Variants in LGALS9C observed in about 807,000 individuals in gnomAD.
LGALS9C encodes the protein galectin-9C.
A neutral mutation model predicts 41.3 loss-of-function variants in LGALS9C; 7 were observed. That is an observed-to-expected ratio of 0.17 (90% CI 0.10 to 0.32). The LOEUF is 0.32. Ranked by LOEUF, LGALS9C falls within the 10% of genes least tolerant of loss-of-function variation. The pLI is 1.00. For missense variants in LGALS9C, 102 were observed against 455.2 expected (o/e 0.22, Z 7.06); for synonymous variants, 44 against 171.0 (o/e 0.26, Z 5.80).
At chr17:18,477,586 G>C (rs929264848) in intron 1 of LGALS9C, among the ~76,000 whole-genome samples, 1 of 110,082 alleles carries the variant, frequency 9.1e-6, no homozygotes, top group African/African-American at 2.7e-5. Context: ...GGCAGGGACT[G>C]TCCCTGCAGT....
At position 18,476,887 on chromosome 17, in the gene LGALS9C, G is replaced by A. The variant is rs376288406; in HGVS notation, c.33G>A (p.Leu11=). 3.1e-6 allele frequency: 5 copies of A among 1,601,602 alleles called. No homozygotes were observed. The highest frequency in any genetic ancestry group is 2.6e-6 in the Non-Finnish European group (3 of 1,171,084). The change falls in exon 1 of 11, where the codon CTG becomes CTA. Residue 11 remains leucine, a synonymous_variant. Transcript: ENST00000328114. ...TCAGCGGTTGCCAGGCTCCCTATCT[G>A]AGCCCAGTGAGTTCCGGGGCCGTGG... is the stretch of plus-strand genomic sequence containing the variant. MAFSGCQAPY[L]SPAVPFSGTI...
chr17:18,489,799 C>G (rs1193844175), intron 5 of LGALS9C: 1 of 103,698 alleles, frequency 9.6e-6, no homozygotes, highest in Non-Finnish European at 2.2e-5. Flanking sequence ...GTCACTCCAC[C>G]CCCATCTCCC....
intron 3 of LGALS9C, 56 bp from the exon 4 acceptor site, chr17:18,487,591 T>C: frequency 1.6e-6 from 2 of 1,212,356 alleles, no homozygotes; most frequent in Non-Finnish European, 2.3e-6. Flanking sequence ...AGCTCAGGGG[T>C]GGTCCCCATC....
In LGALS9C at chr17:18,489,885, C is replaced by T. The variant is rs1393760528; in HGVS notation, c.541-848C>T. On this transcript the variant is annotated intron_variant, in intron 5 of 10. Transcript: ENST00000328114. ...AGTGCCTGGCACTCACTTAGGGACT[C>T]GAAGAATGGATGAATGTGGAATGTG... 1.7e-5 allele frequency: 2 copies of T among 116,684 alleles called. 1 individual carries two copies. The highest frequency in any genetic ancestry group is 4.0e-5 in the Non-Finnish European group (2 of 50,524). 7.2% of individuals were successfully genotyped at this position (116,684 alleles called of 1,614,324 possible).
chr17:18,486,060 G>A lies in LGALS9C; in HGVS notation c.258G>A (p.Glu86=), dbSNP rs1411846753. The A allele has an allele frequency of 3.1e-6, 4 of 1,278,560 alleles. No homozygotes were observed. Among genetic ancestry groups the A allele is most frequent in the Admixed American group, 3.8e-5 (2 of 52,692 alleles). 79.2% of individuals were successfully genotyped at this position (1,278,560 alleles called of 1,614,324 possible). A position where few individuals can be genotyped will look rare whatever the true frequency, so the allele number is the denominator to read the frequency against. Residue 86 remains glutamate, a synonymous_variant, in exon 3 of 11, where the codon GAG becomes GAA. Coordinates refer to ENST00000328114, the MANE Select transcript of LGALS9C (RefSeq NM_001040078.3). ...AGAAAGGAACATGGGGGCCCGAGGA[G>A]AGGAAGATGCACATGCCCTTCCAGA... ...TRQKGTWGPE[E]RKMHMPFQKG...
rs1232783538 is a variant in LGALS9C, at chr17:18,482,045, C to T, written c.40-1830C>T. Among the ~76,000 whole-genome samples the T allele has an allele frequency of 2.0e-5, 3 of 150,854 alleles. No individual in the cohort carries two copies. In the East Asian group the frequency reaches 5.8e-4, roughly 29 times the overall value. ...GGCCTATCTTGCTTCATCCTATACC[C>T]TCCCTCGCTTGCTTCTCTTCCCACC... On this transcript the variant is annotated intron_variant, in intron 1 of 10. Transcript: ENST00000328114.
chr17:18,494,575 C>T lies in LGALS9C; in HGVS notation c.*208C>T, dbSNP rs1395892151. ...CTGGGATTGCCTTCCTCAGCCGCAG[C>T]AGCACCTGGGGCGCCAGCTGCTGGA... On this transcript the variant is annotated 3_prime_UTR_variant, in exon 11 of 11. Coordinates refer to ENST00000328114, the MANE Select transcript of LGALS9C (RefSeq NM_001040078.3). 50 of 850,024 alleles carry T rather than the reference C, an allele frequency of 5.9e-5. No individual in the cohort carries two copies. The highest frequency in any genetic ancestry group is 8.5e-5 in the Non-Finnish European group (47 of 555,028). 52.7% of individuals were successfully genotyped at this position (850,024 alleles called of 1,614,324 possible).
At position 18,491,329 on chromosome 17, in the gene LGALS9C, T is replaced by C; in HGVS notation, c.627+6T>C. 1 of 1,487,032 alleles carries C rather than the reference T, an allele frequency of 6.7e-7. No individual in the cohort carries two copies. The highest frequency in any genetic ancestry group is 9.2e-7 in the Non-Finnish European group (1 of 1,083,032). The allele number at this position is 1,487,032 out of a possible 1,614,324, so 92.1% of individuals were successfully genotyped here. On this transcript the variant is annotated splice_donor_region_variant and intron_variant, in intron 7 of 10. Transcript: ENST00000328114. The stretch of plus-strand genomic sequence containing the variant: ...CCTCTGGACAGATGTTCTCTGTAAG[T>C]CTTCAAGTTCTGATCAGTTCACAGC...
intron 4 of LGALS9C, among the ~76,000 whole-genome samples, chr17:18,488,621 C>T (rs1275508267): frequency 8.2e-6 from 1 of 122,358 alleles, no homozygotes; most frequent in Admixed American, 7.9e-5. Flanking sequence ...TTCAAGGGAG[C>T]TCCCTGAGAT....
chr17:18,484,731 T>C (rs1989528650), intron 2 of LGALS9C, among the ~76,000 whole-genome samples: 1 of 151,060 alleles, frequency 6.6e-6, no homozygotes, highest in African/African-American at 2.4e-5. Flanking sequence ...CGGACCTCTC[T>C]TAAGACCCTC....
At chr17:18,484,463 C>A (rs1302544380) in intron 2 of LGALS9C, 1 of 152,014 alleles carries the variant, frequency 6.6e-6, no homozygotes, top group African/African-American at 2.4e-5. Flanking sequence ...TTTCCCACCC[C>A]TTCCTCCCTC....
chr17:18,492,677 A>T lies in LGALS9C; in HGVS notation c.762-20A>T. ...CTCAGAACTCAGTGGACAAAGGTCCAGGTAGGCTGCCCACCCCAGGTTCCA... is the reference window on the plus strand; with the variant it reads ...CTCAGAACTCAGTGGACAAAGGTCCTGGTAGGCTGCCCACCCCAGGTTCCA... On this transcript the variant is annotated intron_variant, in intron 9 of 10. Coordinates refer to ENST00000328114, the MANE Select transcript of LGALS9C (RefSeq NM_001040078.3). 1.4e-6 allele frequency: 2 copies of T among 1,477,440 alleles called. No homozygotes were observed. Among genetic ancestry groups the T allele is most frequent in the Non-Finnish European group, 1.9e-6 (2 of 1,066,766 alleles). The allele number at this position is 1,477,440 out of a possible 1,614,324, so 91.5% of individuals were successfully genotyped here. A position where few individuals can be genotyped will look rare whatever the true frequency, so the allele number is the denominator to read the frequency against.
intron 1 of LGALS9C, among the ~76,000 whole-genome samples, chr17:18,481,979 C>A (rs1281541336): frequency 6.7e-6 from 1 of 149,438 alleles, no homozygotes; most frequent in East Asian, 1.9e-4. Flanking sequence ...GTACCATCAA[C>A]AACACACACC....
rs1260721517 is a variant in LGALS9C, at chr17:18,477,233, C to T, written c.39+340C>T. 6.2e-5 allele frequency among the ~76,000 whole-genome samples: 8 copies of T among 129,234 alleles called. No individual in the cohort carries two copies. The East Asian group carries it at 1.6e-3, about 25-fold the overall frequency. The allele number at this position is 129,234 out of a possible 152,430, so 84.8% of individuals were successfully genotyped here. On this transcript the variant is annotated intron_variant, in intron 1 of 10. Coordinates refer to ENST00000328114, the MANE Select transcript of LGALS9C (RefSeq NM_001040078.3). ...CTGGGACAGTAAGGATGCTACCCGGCATGGTAGTTAAGGGTGCGTACTGTG... is the reference window on the plus strand; with the variant it reads ...CTGGGACAGTAAGGATGCTACCCGGTATGGTAGTTAAGGGTGCGTACTGTG...
chr17:18,486,550 A>G (rs1490800399), intron 3 of LGALS9C, among the ~76,000 whole-genome samples: 1 of 118,500 alleles, frequency 8.4e-6, no homozygotes, highest in Non-Finnish European at 2.0e-5. Flanking sequence ...CACATTGCAA[A>G]TTACCTTTGC....
chr17:18,477,435 G>A (rs1989248060), intron 1 of LGALS9C, among the ~76,000 whole-genome samples: 1 of 123,480 alleles, frequency 8.1e-6, no homozygotes, highest in African/African-American at 2.5e-5. Flanking sequence ...GGTGCTTTGG[G>A]AGTGTTTCAT....
Position 18,486,509 on chromosome 17 carries a change from C to A in LGALS9C, c.333+374C>A, listed in dbSNP as rs180789906. 1.5e-4 allele frequency: 46 copies of A among 298,458 alleles called. 11 individuals are homozygous for A. Among genetic ancestry groups the A allele is most frequent in the African/African-American group, 1.1e-3 (46 of 42,164 alleles). The allele number at this position is 298,458 out of a possible 1,614,324, so 18.5% of individuals were successfully genotyped here. ...TCAGCGACATTGTTCCAGCCCTTATCCAGAGTCTATTACGGTTATAGTTCT... is the reference window on the plus strand; with the variant it reads ...TCAGCGACATTGTTCCAGCCCTTATACAGAGTCTATTACGGTTATAGTTCT... On this transcript the variant is annotated intron_variant, in intron 3 of 10. Coordinates refer to ENST00000328114, the MANE Select transcript of LGALS9C (RefSeq NM_001040078.3).
intron 4 of LGALS9C, among the ~76,000 whole-genome samples, chr17:18,488,614 A>G (rs1682197): frequency 2.8e-3 from 297 of 106,370 alleles, no homozygotes; most frequent in South Asian, 7.9e-3. Flanking sequence ...TTTGGCATTC[A>G]AGGGAGCTCC....
rs1484628064 is a variant in LGALS9C at position 18,483,381 on chromosome 17, G to A, written c.40-494G>A. Among the ~76,000 whole-genome samples the A allele has an allele frequency of 1.4e-4, 17 of 124,208 alleles. 2 individuals carry two copies. The highest frequency in any genetic ancestry group is 2.9e-4 in the Non-Finnish European group (15 of 51,184). The allele number at this position is 124,208 out of a possible 152,430, so 81.5% of individuals were successfully genotyped here. A position where few individuals can be genotyped will look rare whatever the true frequency, so the allele number is the denominator to read the frequency against. On this transcript the variant is annotated intron_variant, in intron 1 of 10. Coordinates refer to ENST00000328114, the MANE Select transcript of LGALS9C (RefSeq NM_001040078.3). ...CTTGACACTCTCTGGTGACCCTCTC[G>A]GTGGAACCTGCAGACCCTTGATGGG...
Sources: gnomAD v4.1 joint callset for allele counts (sites outside exome capture counted in the v4.1 genomes callset) on GRCh38, gnomAD v4.1.1 for gene constraint, MANE v1.5 for transcripts, NCBI Gene and HGNC (gene_info 2026-07-23, HGNC 2026-07-21) for gene names.